Variants in LAMA2 observed in about 807,000 individuals in gnomAD.
LAMA2 encodes laminin subunit alpha-2.
A neutral mutation model predicts 364.8 loss-of-function variants in LAMA2; 269 were observed. The observed-to-expected ratio is 0.74, with a 90% CI of 0.67 to 0.82. The LOEUF is 0.82. Among genes scored for constraint, LAMA2 ranks in the 40% least tolerant of loss-of-function variants. The pLI is 0.00. For synonymous variants in LAMA2, 1,379 were observed against 1,370.6 expected (o/e 1.01, Z -0.14); for missense variants, 3,807 against 3,873.2 (o/e 0.98, Z 0.45).
intron 1 of LAMA2, among the ~76,000 whole-genome samples, chr6:129,007,686 T>C (rs1327036611): frequency 2.0e-5 from 3 of 152,152 alleles, no homozygotes; most frequent in South Asian, 2.1e-4. Flanking sequence ...AACTTTTTTG[T>C]TCAGTATTTT....
intron 45 of LAMA2, among the ~76,000 whole-genome samples, chr6:129,449,483 C>T (rs1583778156): frequency 6.6e-6 from 1 of 152,218 alleles, no homozygotes; most frequent in African/African-American, 2.4e-5. Context: ...TTCATGAGGA[C>T]AGAGCCCTCA....
Position 129,464,282 on chromosome 6 carries a change from C to A in LAMA2, c.6993-8C>A. On this transcript the variant is annotated splice_polypyrimidine_tract_variant and splice_region_variant and intron_variant, in intron 49 of 64. Coordinates refer to ENST00000421865, the MANE Select transcript of LAMA2 (RefSeq NM_000426.4). ...GATCTGATTCATGTGAAATGTCTCTCTTCTCAGTCCTCAGGTGGAAGATAG... is the reference window on the plus strand; with the variant it reads ...GATCTGATTCATGTGAAATGTCTCTATTCTCAGTCCTCAGGTGGAAGATAG... The A allele has an allele frequency of 6.2e-7, 1 of 1,609,324 alleles. No individual in the cohort carries two copies. The highest frequency in any genetic ancestry group is 8.5e-7 in the Non-Finnish European group (1 of 1,176,168).
chr6:129,143,990 G>T lies in LAMA2; in HGVS notation c.729G>T (p.Leu243=). The T allele has an allele frequency of 6.2e-7, 1 of 1,612,664 alleles. No homozygotes were observed. The highest frequency in any genetic ancestry group is 1.7e-5 in the Admixed American group (1 of 59,846). Residue 243 remains leucine (L), a synonymous_variant, in exon 5 of 65, where the codon CTG becomes CTT. Coordinates refer to ENST00000421865, the MANE Select transcript of LAMA2 (RefSeq NM_000426.4). ...TTACCTCCGCTCGCTATATTCGCCT[G>T]AGATTTCAGAGGATCCGCACACTGA... ...LEFTSARYIR[L]RFQRIRTLNA... is the part of the protein sequence containing the mutation.
chr6:129,173,413 A>G (rs1194020061), intron 9 of LAMA2, among the ~76,000 whole-genome samples: 1 of 152,076 alleles, frequency 6.6e-6, no homozygotes, highest in African/African-American at 2.4e-5. Flanking sequence ...TTACATGTCT[A>G]TTTCATCAAT....
intron 1 of LAMA2, among the ~76,000 whole-genome samples, chr6:128,960,760 T>C (rs2114592390): frequency 6.6e-6 from 1 of 152,376 alleles, no homozygotes; most frequent in Middle Eastern, 3.4e-3. Context: ...TTACCATAAT[T>C]TAATAATTCT....
intron 1 of LAMA2, among the ~76,000 whole-genome samples, chr6:129,006,971 C>T (rs1183142280): frequency 6.6e-6 from 1 of 152,102 alleles, no homozygotes; most frequent in Non-Finnish European, 1.5e-5. Context: ...TAAGAATTTC[C>T]TGAAGCTCTC....
intron 62 of LAMA2, 107 bp from the exon 63 acceptor site, chr6:129,512,256 T>G: frequency 9.2e-7 from 1 of 1,086,040 alleles, no homozygotes. Context: ...TCATTAGAAT[T>G]AGCTAGCATT....
intron 1 of LAMA2, among the ~76,000 whole-genome samples, chr6:129,044,270 G>A (rs749665466): frequency 6.6e-6 from 1 of 151,806 alleles, no homozygotes; most frequent in African/African-American, 2.4e-5. Flanking sequence ...TCCAATAAAA[G>A]CTACTTCACA....
At chr6:129,416,931 C>A (rs1031459089) in intron 40 of LAMA2, among the ~76,000 whole-genome samples, 3 of 152,178 alleles carry the variant, frequency 2.0e-5, no homozygotes, top group African/African-American at 7.2e-5. Flanking sequence ...AGACATACTA[C>A]AATTGGCTTC....
chr6:129,123,531 C>T (rs1233368939), intron 4 of LAMA2, among the ~76,000 whole-genome samples: 1 of 151,982 alleles, frequency 6.6e-6, no homozygotes, highest in Non-Finnish European at 1.5e-5. Flanking sequence ...TATATACATA[C>T]AATAGGATAT....
At chr6:129,223,727 G>A (rs1281472929) in intron 12 of LAMA2, among the ~76,000 whole-genome samples, 5 of 152,188 alleles carry the variant, frequency 3.3e-5, no homozygotes, top group African/African-American at 7.2e-5. Context: ...CCAGTACCAT[G>A]CTGTTTTGGT....
chr6:129,439,248 A>G (rs912599880), intron 42 of LAMA2, among the ~76,000 whole-genome samples: 4 of 152,074 alleles, frequency 2.6e-5, no homozygotes, highest in African/African-American at 7.2e-5. Flanking sequence ...AATAATGACA[A>G]GAAAAAAGTT....
At chr6:129,382,769 G>A (rs895931303) in intron 34 of LAMA2, among the ~76,000 whole-genome samples, 2 of 152,110 alleles carry the variant, frequency 1.3e-5, no homozygotes, top group African/African-American at 4.8e-5. Flanking sequence ...ATAAAATATG[G>A]ACAAAACTGC....
At chr6:129,167,277 C>T (rs552960856) in intron 9 of LAMA2, among the ~76,000 whole-genome samples, 1 of 151,070 alleles carries the variant, frequency 6.6e-6, no homozygotes, top group East Asian at 2.0e-4. Context: ...CGTCATCTAG[C>T]ATTAGGTATA....
chr6:129,149,329 A>G (rs1217798107), intron 7 of LAMA2, among the ~76,000 whole-genome samples: 1 of 152,130 alleles, frequency 6.6e-6, no homozygotes, highest in South Asian at 2.1e-4. Context: ...GGTGACAGGT[A>G]TCATGGAGAA....
chr6:129,181,208 T>C (rs185116881), intron 10 of LAMA2, among the ~76,000 whole-genome samples: 1 of 152,070 alleles, frequency 6.6e-6, no homozygotes, highest in East Asian at 1.9e-4. Context: ...GGAAAAATAA[T>C]ACAGCCTCAA....
Position 129,144,099 on chromosome 6 carries a change from T to C in LAMA2, c.819+19T>C. 1 of 1,581,580 alleles carries C rather than the reference T, an allele frequency of 6.3e-7. No individual in the cohort carries two copies. The highest frequency in any genetic ancestry group is 1.3e-5 in the African/African-American group (1 of 74,308). ...CAGAAGAGTAAGTTATGATGAATCA[T>C]ATTAGAGCCTACAAATGATATCCCA... On this transcript the variant is annotated intron_variant, in intron 5 of 64. Coordinates refer to ENST00000421865, the MANE Select transcript of LAMA2 (RefSeq NM_000426.4).
intron 22 of LAMA2, among the ~76,000 whole-genome samples, chr6:129,306,548 A>AT (rs1197606105): frequency 4.0e-5 from 6 of 150,808 alleles, no homozygotes; most frequent in Non-Finnish European, 5.9e-5. Flanking sequence ...ATCTTTAAAT[A>AT]TTTTTTTGTT....
chr6:129,329,679 C>G (rs1775514436), intron 29 of LAMA2, among the ~76,000 whole-genome samples: 1 of 152,128 alleles, frequency 6.6e-6, no homozygotes, highest in Admixed American at 6.6e-5. Context: ...CCATCACTTT[C>G]TTTCACTCCC....
Sources: allele counts gnomAD v4.1 joint callset (sites outside exome capture counted in the v4.1 genomes callset), GRCh38; gene constraint gnomAD v4.1.1; transcripts MANE v1.5; gene names NCBI Gene and HGNC (gene_info 2026-07-23, HGNC 2026-07-21).